The following RIN3 variants were observed in gnomAD, a reference collection of about 807,000 sequenced individuals.
RIN3 encodes the protein Ras and Rab interactor 3, also known as RAB5 interacting protein 3.
RIN3 carries 54 observed loss-of-function variants against 76.3 expected under a neutral mutation model. That is an observed-to-expected ratio of 0.71 (90% CI 0.57 to 0.89). The LOEUF (loss-of-function observed/expected upper bound fraction) is 0.89, where lower values mean the gene tolerates loss of function less well. Among genes scored for constraint, RIN3 ranks in the 40% least tolerant of loss-of-function variants. The pLI is 0.00. For missense variants in RIN3, 1,256 were observed against 1,322.1 expected (o/e 0.95, Z 0.78); for synonymous variants, 576 against 564.0 (o/e 1.02, Z -0.30).
At position 92,652,972 on chromosome 14, in the gene RIN3, G is replaced by C. The variant is rs148154180; in HGVS notation, c.1923G>C (p.Leu641=). 1.9e-6 allele frequency: 3 copies of C among 1,613,492 alleles called. No homozygotes were observed. In the African/African-American group the frequency reaches 4.0e-5, roughly 22 times the overall value. Residue 641 remains leucine, a synonymous_variant, in exon 6 of 10, where the codon CTG becomes CTC. Transcript: ENST00000216487. This position sits in a 1 kb window ranked among gnomAD's most constrained non-coding sequence, Gnocchi z 6.4. ...MARQTSSTEM[L]QEIRTMMTQL... ...GCCAGACCTCCAGCACGGAGATGCT[G>C]CAGGAGATTCGCACCATGATGACCC... is the stretch of plus-strand genomic sequence containing the variant.
chr14:92,553,509 T>G (rs1897492609), intron 1 of RIN3, among the ~76,000 whole-genome samples: 1 of 152,024 alleles, frequency 6.6e-6, no homozygotes, highest in Non-Finnish European at 1.5e-5. Flanking sequence ...CGGCCTCAAT[T>G]CCACAGCCTG....
rs139950302 is a variant in RIN3, at chr14:92,678,272, G to A, written c.2467+1666G>A. On this transcript the variant is annotated intron_variant, in intron 8 of 9. Coordinates refer to ENST00000216487, the MANE Select transcript of RIN3 (RefSeq NM_024832.5). Reference sequence around the variant, plus strand: ...CACCTAACCACCCACCCATCCATCCGTCCACTCATCTGTCCACCCACCTGC... The same window carrying A: ...CACCTAACCACCCACCCATCCATCCATCCACTCATCTGTCCACCCACCTGC... 3.0e-3 allele frequency among the ~76,000 whole-genome samples: 369 copies of A among 123,758 alleles called. 4 individuals carry two copies. In the South Asian group the frequency reaches 0.067, roughly 22 times the overall value. 81.2% of individuals were successfully genotyped at this position (123,758 alleles called of 152,430 possible). A position where few individuals can be genotyped will look rare whatever the true frequency, so the allele number is the denominator to read the frequency against.
chr14:92,515,690 G>A (rs1050912082), intron 1 of RIN3, among the ~76,000 whole-genome samples: 2 of 152,208 alleles, frequency 1.3e-5, no homozygotes, highest in South Asian at 2.1e-4. Flanking sequence ...TAAACTGGGG[G>A]TGCTAGCAAC....
rs1223737231 is a variant in RIN3 at position 92,681,311 on chromosome 14, C to T, written c.2468-3676C>T. ...AGAGGAAGGCTGGCAGAGAGAGAGG[C>T]CTCACGAAGAAGTCAGACTCCAGCA... On this transcript the variant is annotated intron_variant, in intron 8 of 9. Coordinates refer to ENST00000216487, the MANE Select transcript of RIN3 (RefSeq NM_024832.5). This position sits in a 1 kb window ranked among gnomAD's most constrained non-coding sequence, Gnocchi z 4.7. Among the ~76,000 whole-genome samples, 1 of 141,348 alleles carries T rather than the reference C, an allele frequency of 7.1e-6. No individual in the cohort carries two copies. Among genetic ancestry groups the T allele is most frequent in the Non-Finnish European group, 1.5e-5 (1 of 65,120 alleles). 92.7% of individuals were successfully genotyped at this position (141,348 alleles called of 152,430 possible). A position where few individuals can be genotyped will look rare whatever the true frequency, so the allele number is the denominator to read the frequency against.
At chr14:92,675,509 G>A (rs192783460) in intron 7 of RIN3, among the ~76,000 whole-genome samples, 114 of 152,334 alleles carry the variant, frequency 7.5e-4, no homozygotes, top group African/African-American at 2.5e-3. Flanking sequence ...GGTAACCCCC[G>A]GCTGAGTCTG....
intron 2 of RIN3, among the ~76,000 whole-genome samples, chr14:92,569,809 A>C (rs1340500028): frequency 6.6e-6 from 1 of 152,088 alleles, no homozygotes; most frequent in East Asian, 1.9e-4. Context: ...TAGTAAGGGG[A>C]GAAAGTAACT....
Position 92,656,802 on chromosome 14 carries a change from T to C in RIN3, c.2027-2359T>C, listed in dbSNP as rs988301580. Among the ~76,000 whole-genome samples, 2 of 152,136 alleles carry C rather than the reference T, an allele frequency of 1.3e-5. No individual in the cohort carries two copies. The highest frequency in any genetic ancestry group is 4.8e-5 in the African/African-American group (2 of 41,444). On this transcript the variant is annotated intron_variant, in intron 6 of 9. Transcript: ENST00000216487. This position sits in a 1 kb window ranked among gnomAD's most constrained non-coding sequence, Gnocchi z 5.2. ...GGAACAGGGTCAGCATCCACAGCAA[T>C]GGTGCCATTCCAGACACTGCATGTG...
At chr14:92,655,487 T>C (rs1175383324) in intron 6 of RIN3, among the ~76,000 whole-genome samples, 2 of 152,266 alleles carry the variant, frequency 1.3e-5, no homozygotes, top group Non-Finnish European at 2.9e-5. Flanking sequence ...CCCAAGGACC[T>C]TGTGAGCCTC....
intron 4 of RIN3, among the ~76,000 whole-genome samples, chr14:92,620,117 T>C (rs1886120183): frequency 6.6e-6 from 1 of 152,256 alleles, no homozygotes; most frequent in South Asian, 2.1e-4. Context: ...AACCAATTAA[T>C]GTAAAACTTT....
intron 3 of RIN3, among the ~76,000 whole-genome samples, chr14:92,596,419 G>A (rs1432762989): frequency 2.0e-5 from 3 of 152,194 alleles, no homozygotes. Context: ...GCCCCCGGAT[G>A]TAACTGGGAT....
intron 3 of RIN3, among the ~76,000 whole-genome samples, chr14:92,592,331 G>A (rs1015669899): frequency 1.3e-5 from 2 of 150,468 alleles, no homozygotes; most frequent in Non-Finnish European, 2.9e-5. Flanking sequence ...AACCCAGGAA[G>A]CAGAGGTTGC....
chr14:92,540,596 A>G (rs753963137), intron 1 of RIN3, among the ~76,000 whole-genome samples: 10 of 152,184 alleles, frequency 6.6e-5, no homozygotes, highest in Non-Finnish European at 1.2e-4. Context: ...GTCAGCCTGG[A>G]ACTGTGTTTT....
intron 8 of RIN3, among the ~76,000 whole-genome samples, chr14:92,678,841 T>TC (rs1888568352): frequency 6.6e-6 from 1 of 152,210 alleles, no homozygotes; most frequent in Admixed American, 6.5e-5. Flanking sequence ...TTCTACCTCA[T>TC]CAGGACTTTG....
chr14:92,613,376 A>G (rs1458150414), intron 3 of RIN3, among the ~76,000 whole-genome samples: 2 of 152,142 alleles, frequency 1.3e-5, no homozygotes, highest in East Asian at 3.9e-4. Flanking sequence ...GCATCCTCCA[A>G]ATACCTCCTG....
intron 1 of RIN3, among the ~76,000 whole-genome samples, chr14:92,532,879 G>A (rs7154236): frequency 0.76 from 115,948 of 152,048 alleles, 44,542 homozygotes; most frequent in African/African-American, 0.83. Flanking sequence ...CTTGAAAGCC[G>A]GGGAGCTTGG....
chr14:92,619,235 C>CA (rs1566871160), intron 4 of RIN3, among the ~76,000 whole-genome samples: 2 of 151,972 alleles, frequency 1.3e-5, no homozygotes, highest in East Asian at 1.9e-4. Flanking sequence ...CTGATCCATC[C>CA]AAAAAATCAG....
intron 1 of RIN3, chr14:92,515,508 G>C (rs965042227): frequency 1.0e-5 from 5 of 480,866 alleles, no homozygotes; most frequent in South Asian, 3.7e-5. Flanking sequence ...ATAAATAATA[G>C]TAACTACCCC....
intron 8 of RIN3, among the ~76,000 whole-genome samples, chr14:92,682,992 C>G (rs1039355440): frequency 6.6e-6 from 1 of 152,046 alleles, no homozygotes; most frequent in African/African-American, 2.4e-5. Context: ...ATGGTGAAAC[C>G]GCGTTTCTAC....
chr14:92,548,170 A>T (rs1027403239), intron 1 of RIN3, among the ~76,000 whole-genome samples: 1 of 152,158 alleles, frequency 6.6e-6, no homozygotes, highest in South Asian at 2.1e-4. Flanking sequence ...GTGTATTCCC[A>T]AGTGGAATAA....
Sources: allele counts gnomAD v4.1 joint callset (sites outside exome capture counted in the v4.1 genomes callset), GRCh38; gene constraint gnomAD v4.1.1; non-coding constraint Gnocchi (gnomAD v3.1); transcripts MANE v1.5; gene names NCBI Gene and HGNC (gene_info 2026-07-23, HGNC 2026-07-21).